Variants in MOCS1 observed in about 807,000 individuals in gnomAD.
MOCS1 encodes molybdenum cofactor synthesis 1.
A neutral mutation model predicts 57.6 loss-of-function variants in MOCS1; 39 were observed. The ratio of observed to expected loss-of-function variants is 0.68; its 90% CI spans 0.52 to 0.88. MOCS1 has a LOEUF of 0.88. Among genes scored for constraint, MOCS1 ranks in the 40% least tolerant of loss-of-function variants. MOCS1 has a pLI of 0.00. For synonymous variants in MOCS1, 334 were observed against 335.7 expected, an observed-to-expected ratio of 1.00 and a Z score of 0.05; for missense variants, 795 against 831.1, an observed-to-expected ratio of 0.96 and a Z score of 0.53.
intron 4 of MOCS1, 136 bp downstream of exon 4, chr6:39,915,932 G>C: frequency 1.9e-6 from 2 of 1,062,288 alleles, no homozygotes; most frequent in Non-Finnish European, 1.4e-6. Context: ...TGAGGGGTGA[G>C]AAATAAGTGC....
chr6:39,916,335 A>G, intron 3 of MOCS1, 103 bp from the exon 4 acceptor site: 1 of 1,421,416 alleles, frequency 7.0e-7, no homozygotes, highest in South Asian at 1.2e-5. Flanking sequence ...GATGGATGGA[A>G]AAGAGGCTCT....
In MOCS1 at chr6:39,905,600, A is replaced by G. The variant is rs1275385833; in HGVS notation, c.*757T>C. 6 of 470,992 alleles carry G rather than the reference A, an allele frequency of 1.3e-5. No individual in the cohort carries two copies. The highest frequency in any genetic ancestry group is 4.7e-5 in the Admixed American group (2 of 42,558). The allele number at this position is 470,992 out of a possible 1,614,324, so 29.2% of individuals were successfully genotyped here. On this transcript the variant is annotated 3_prime_UTR_variant, in exon 11 of 11. Coordinates refer to ENST00000340692, the MANE Select transcript of MOCS1 (RefSeq NM_001358530.2). The stretch of plus-strand genomic sequence containing the variant: ...TATCATCAACTTTTCTTTCCCTGAT[A>G]TGCTCCAGAATAAAGAGGGGTGGGT...
rs3793137 is a variant in MOCS1 at position 39,904,728 on chromosome 6, C to T, written c.*1629G>A. On this transcript the variant is annotated 3_prime_UTR_variant, in exon 11 of 11. Coordinates refer to ENST00000340692, the MANE Select transcript of MOCS1 (RefSeq NM_001358530.2). ...CCGACTTCTACCAGGGATGCCTTCACGCCAAGGCTGTTCTCACCAGCTGCC... is the reference window on the plus strand; with the variant it reads ...CCGACTTCTACCAGGGATGCCTTCATGCCAAGGCTGTTCTCACCAGCTGCC... 585 of 454,046 alleles carry T rather than the reference C, an allele frequency of 1.3e-3. 4 individuals are homozygous for T. The highest frequency in any genetic ancestry group is 8.5e-3 in the African/African-American group (428 of 50,092). The allele number at this position is 454,046 out of a possible 1,614,324, so 28.1% of individuals were successfully genotyped here.
chr6:39,906,013 G>GT lies in MOCS1; in HGVS notation c.*343dup. ...AGAAAACCCAAAATGAGAAGGAAAAGTTCTGGGCTGGACTGTCGGAACCTG... is the reference window on the plus strand; with the variant it reads ...AGAAAACCCAAAATGAGAAGGAAAAGTTTCTGGGCTGGACTGTCGGAACCTG... On this transcript the variant is annotated 3_prime_UTR_variant, in exon 11 of 11. Transcript: ENST00000340692. 2.0e-6 allele frequency: 1 copy of GT among 509,560 alleles called. No individual in the cohort carries two copies. Among genetic ancestry groups the GT allele is most frequent in the Non-Finnish European group, 3.8e-6 (1 of 263,712 alleles). The allele number at this position is 509,560 out of a possible 1,614,324, so 31.6% of individuals were successfully genotyped here. A position where few individuals can be genotyped will look rare whatever the true frequency, so the allele number is the denominator to read the frequency against.
At chr6:39,926,279 G>A (rs941193137) in intron 2 of MOCS1, among the ~76,000 whole-genome samples, 10 of 152,174 alleles carry the variant, frequency 6.6e-5, no homozygotes, top group Non-Finnish European at 1.0e-4. Flanking sequence ...TGAGAGAGAG[G>A]TACTCTCTGG....
intron 2 of MOCS1, among the ~76,000 whole-genome samples, chr6:39,926,193 C>T (rs1042532251): frequency 6.6e-6 from 1 of 152,158 alleles, no homozygotes. Flanking sequence ...GGGCGTTCCT[C>T]CTGGCATTGT....
In MOCS1 at chr6:39,912,948, G is replaced by A. The variant is rs146944225; in HGVS notation, c.814C>T (p.Arg272Trp). Residue 272 changes from arginine to tryptophan, a missense_variant, in exon 7 of 11, where the codon CGG (arginine) becomes TGG (tryptophan). Coordinates refer to ENST00000340692, the MANE Select transcript of MOCS1 (RefSeq NM_001358530.2). Reference protein sequence around the residue: ...VSYKEMLDTVRQQWPELEKVP... With the variant: ...VSYKEMLDTVWQQWPELEKVP... Reference sequence around the variant, plus strand: ...TTCTCCAGCTCTGGCCACTGCTGCCGGACAGTGTCTAGCATCTCCTTATAG... The same window carrying A: ...TTCTCCAGCTCTGGCCACTGCTGCCAGACAGTGTCTAGCATCTCCTTATAG... The A allele has an allele frequency of 1.0e-4, 167 of 1,614,082 alleles. No individual in the cohort carries two copies. The African/African-American group carries it at 1.2e-3, about 11-fold the overall frequency.
In MOCS1 at chr6:39,905,399, C is replaced by CTCT. The variant is rs1562079091; in HGVS notation, c.*955_*957dup. ...ACCCTTAGGCCTTTCCAGGTCCCTCCTCTTCTTCCCTCAGGGAACTGTGTC... is the reference window on the plus strand; with the variant it reads ...ACCCTTAGGCCTTTCCAGGTCCCTCCTCTTCTTCTTCCCTCAGGGAACTGTGTC... On this transcript the variant is annotated 3_prime_UTR_variant, in exon 11 of 11. Transcript: ENST00000340692. The CTCT allele has an allele frequency of 2.1e-6, 1 of 468,254 alleles. No homozygotes were observed. The highest frequency in any genetic ancestry group is 1.5e-5 in the South Asian group (1 of 64,562). 29.0% of individuals were successfully genotyped at this position (468,254 alleles called of 1,614,324 possible). A position where few individuals can be genotyped will look rare whatever the true frequency, so the allele number is the denominator to read the frequency against.
At position 39,906,900 on chromosome 6, in the gene MOCS1, A is replaced by G. The variant is rs1354251146; in HGVS notation, c.1368T>C (p.Asp456=). Residue 456 remains aspartate (D), a synonymous_variant, in exon 11 of 11, where the codon GAT becomes GAC. Coordinates refer to ENST00000340692, the MANE Select transcript of MOCS1 (RefSeq NM_001358530.2). ...QRHYTSRADS[D]ANSKCLSPGS... is the part of the protein sequence containing the mutation. ...CTGGGCTAAGGCACTTTGAGTTGGC[A>G]TCTGAGTCTGCACGGGAAGTGTAGT... 1 of 1,614,072 alleles carries G rather than the reference A, an allele frequency of 6.2e-7. No homozygotes were observed. The highest frequency in any genetic ancestry group is 8.5e-7 in the Non-Finnish European group (1 of 1,180,036).
chr6:39,913,215 T>C (rs1767444272), intron 6 of MOCS1, 102 bp downstream of exon 6: 1 of 1,046,042 alleles, frequency 9.6e-7, no homozygotes, highest in African/African-American at 1.6e-5. Context: ...AATCCTAGAC[T>C]CACTGCCCCT....
chr6:39,916,527 G>C (rs942963425), intron 3 of MOCS1, among the ~76,000 whole-genome samples: 1 of 152,170 alleles, frequency 6.6e-6, no homozygotes, highest in Non-Finnish European at 1.5e-5. Context: ...AAGGAAAGAG[G>C]TGCTCTGAAA....
chr6:39,906,558 G>A lies in MOCS1; in HGVS notation c.1710C>T (p.Ser570=), dbSNP rs771865185. The part of the protein sequence containing the change: ...SHIQVQLELD[S]TRHAVKIQAS... ...CCTGGATCTTCACGGCATGGCGTGT[G>A]CTGTCCAGCTCCAGCTGCACCTGGA... Residue 570 remains serine, a synonymous_variant, in exon 11 of 11, where the codon AGC becomes AGT. Coordinates refer to ENST00000340692, the MANE Select transcript of MOCS1 (RefSeq NM_001358530.2). The A allele has an allele frequency of 1.2e-6, 2 of 1,613,702 alleles. No homozygotes were observed. The highest frequency in any genetic ancestry group is 2.2e-5 in the South Asian group (2 of 91,092).
chr6:39,908,732 G>T (rs1767108990), intron 10 of MOCS1, among the ~76,000 whole-genome samples: 1 of 152,108 alleles, frequency 6.6e-6, no homozygotes, highest in Non-Finnish European at 1.5e-5. Flanking sequence ...CGAGGAAAAG[G>T]CCTCTGTTTT....
Position 39,905,857 on chromosome 6 carries a change from A to AGAC in MOCS1, c.*497_*499dup. On this transcript the variant is annotated 3_prime_UTR_variant, in exon 11 of 11. Coordinates refer to ENST00000340692, the MANE Select transcript of MOCS1 (RefSeq NM_001358530.2). Reference sequence around the variant, plus strand: ...GGACAGGGCAGGGCTGCGGCTTCACAGACTTAGGGAGGCAGAGCTGCCGGG... The same window carrying AGAC: ...GGACAGGGCAGGGCTGCGGCTTCACAGACGACTTAGGGAGGCAGAGCTGCCGGG... 2.1e-6 allele frequency: 1 copy of AGAC among 470,746 alleles called. No individual in the cohort carries two copies. Among genetic ancestry groups the AGAC allele is most frequent in the Non-Finnish European group, 4.4e-6 (1 of 227,194 alleles). The allele number at this position is 470,746 out of a possible 1,614,324, so 29.2% of individuals were successfully genotyped here. A position where few individuals can be genotyped will look rare whatever the true frequency, so the allele number is the denominator to read the frequency against.
rs762810343 is a variant in MOCS1 at position 39,925,757 on chromosome 6, G to A, written c.339C>T (p.Leu113=). ...TTEEILTLAR[L]FVKEGIDKIR... ...TCTTGTCGATGCCTTCCTTCACAAA[G>A]AGCCGGGCGAGGGTCAGGATCTCCT... Residue 113 remains leucine (L), a synonymous_variant, in exon 3 of 11, where the codon CTC becomes CTT. Transcript: ENST00000340692. The A allele has an allele frequency of 9.3e-6, 15 of 1,612,850 alleles. No homozygotes were observed. Among genetic ancestry groups the A allele is most frequent in the East Asian group, 2.2e-5 (1 of 44,868 alleles).
chr6:39,920,273 T>C (rs1767890667), intron 3 of MOCS1, among the ~76,000 whole-genome samples: 1 of 152,168 alleles, frequency 6.6e-6, no homozygotes, highest in African/African-American at 2.4e-5. Context: ...TCAAGAATAA[T>C]ACTGAGTGTT....
At chr6:39,918,801 C>T (rs1464990487) in intron 3 of MOCS1, among the ~76,000 whole-genome samples, 1 of 151,764 alleles carries the variant, frequency 6.6e-6, no homozygotes, top group Non-Finnish European at 1.5e-5. Flanking sequence ...TAATGACATT[C>T]TTTCTGCTTT....
chr6:39,915,614 C>T lies in MOCS1; in HGVS notation c.583+454G>A, dbSNP rs562822675. ...AGGAGGTGCATAGGAGGGGCTTATA[C>T]CCAGGTGGGCACAGGGATAACCATG... On this transcript the variant is annotated intron_variant, in intron 4 of 10. Transcript: ENST00000340692. 3.3e-5 allele frequency among the ~76,000 whole-genome samples: 5 copies of T among 152,152 alleles called. No individual in the cohort carries two copies. The East Asian group carries it at 9.7e-4, about 30-fold the overall frequency.
chr6:39,926,510 G>A (rs1225662222), intron 2 of MOCS1, among the ~76,000 whole-genome samples: 1 of 151,050 alleles, frequency 6.6e-6, no homozygotes, highest in South Asian at 2.1e-4. Flanking sequence ...TAAGGTTTGG[G>A]TCAAGATCTG....
Sources: gnomAD v4.1 joint callset for allele counts (sites outside exome capture counted in the v4.1 genomes callset) on GRCh38, gnomAD v4.1.1 for gene constraint, MANE v1.5 for transcripts, NCBI Gene and HGNC (gene_info 2026-07-23, HGNC 2026-07-21) for gene names.